Variants in SLC39A10 observed in about 807,000 individuals in gnomAD.
SLC39A10 encodes the protein zinc transporter ZIP10.
A neutral mutation model predicts 65.1 loss-of-function variants in SLC39A10; 13 were observed. That is an observed-to-expected ratio of 0.20 (90% CI 0.13 to 0.32). The LOEUF is 0.32. Among genes scored for constraint, SLC39A10 ranks in the 10% least tolerant of loss-of-function variants. SLC39A10 has a pLI of 1.00. For missense variants in SLC39A10, 831 were observed against 1,018.4 expected (o/e 0.82, Z 2.50); for synonymous variants, 321 against 342.2 (o/e 0.94, Z 0.68).
intron 3 of SLC39A10, 50 bp downstream of exon 3, chr2:195,683,956 T>G: frequency 1.1e-5 from 14 of 1,224,190 alleles, no homozygotes; most frequent in Non-Finnish European, 1.6e-5. Flanking sequence ...CTGTACTTAC[T>G]TTTTAAACTA....
chr2:195,657,403 G>A (rs1689188578), intron 1 of SLC39A10, 122 bp downstream of exon 1: 4 of 985,710 alleles, frequency 4.1e-6, no homozygotes, highest in African/African-American at 3.5e-5. Context: ...GGGGAGTCGG[G>A]GCTGGTTCCC....
intron 7 of SLC39A10, 97 bp from the exon 8 acceptor site, chr2:195,718,155 A>T: frequency 1.1e-6 from 1 of 944,374 alleles, no homozygotes; most frequent in Non-Finnish European, 1.6e-6. Context: ...TTAAGAAATT[A>T]ATTTAGATAG....
intron 3 of SLC39A10, among the ~76,000 whole-genome samples, chr2:195,690,740 A>C (rs1045580275): frequency 5.9e-5 from 9 of 152,128 alleles, no homozygotes; most frequent in African/African-American, 2.2e-4. Flanking sequence ...GTTGAATTTT[A>C]GGAGTTCTCT....
intron 9 of SLC39A10, among the ~76,000 whole-genome samples, chr2:195,734,003 A>G (rs1692506918): frequency 6.6e-6 from 1 of 152,098 alleles, no homozygotes; most frequent in Non-Finnish European, 1.5e-5. Flanking sequence ...GAATGAAAGC[A>G]ATGGCATAAG....
intron 2 of SLC39A10, 148 bp downstream of exon 2, chr2:195,681,198 G>C (rs1429342258): frequency 8.0e-6 from 7 of 874,546 alleles, no homozygotes; most frequent in Non-Finnish European, 1.2e-5. Flanking sequence ...TAATGTTCAT[G>C]AACAGAATAC....
intron 8 of SLC39A10, among the ~76,000 whole-genome samples, chr2:195,724,848 G>A (rs1000437953): frequency 4.6e-5 from 7 of 152,080 alleles, no homozygotes; most frequent in Admixed American, 6.6e-5. Context: ...ATAGCCAGTA[G>A]AATTTTGCAA....
chr2:195,678,274 C>T (rs557496879), intron 1 of SLC39A10, among the ~76,000 whole-genome samples: 1 of 152,232 alleles, frequency 6.6e-6, no homozygotes, highest in African/African-American at 2.4e-5. Context: ...TTCTTGCCTA[C>T]TTTTGATATT....
intron 8 of SLC39A10, among the ~76,000 whole-genome samples, chr2:195,726,036 C>A (rs1301909690): frequency 6.6e-6 from 1 of 152,154 alleles, no homozygotes; most frequent in Non-Finnish European, 1.5e-5. Context: ...TGTCCAAATT[C>A]ATAGAAGTCT....
chr2:195,657,592 C>T (rs1007445476), intron 1 of SLC39A10: 2 of 982,386 alleles, frequency 2.0e-6, no homozygotes, highest in East Asian at 1.1e-4. Flanking sequence ...CTCGCGCCCC[C>T]CTCACCTTCC....
chr2:195,682,839 A>G (rs1385681468), intron 2 of SLC39A10, among the ~76,000 whole-genome samples: 1 of 150,676 alleles, frequency 6.6e-6, no homozygotes, highest in Non-Finnish European at 1.5e-5. Context: ...GTGGTGCTAA[A>G]TAGAAAAAAA....
At chr2:195,643,942 A>C (rs574791180) in intron 2 of SLC39A10, among the ~76,000 whole-genome samples, 1 of 152,356 alleles carries the variant, frequency 6.6e-6, no homozygotes, top group East Asian at 1.9e-4. Flanking sequence ...CTTGTTAGTT[A>C]ACATTGTTAA....
chr2:195,709,378 C>T (rs1021042664), intron 5 of SLC39A10, among the ~76,000 whole-genome samples: 4 of 152,126 alleles, frequency 2.6e-5, no homozygotes, highest in Non-Finnish European at 5.9e-5. Context: ...ACCATAGCTG[C>T]GCACCACCAT....
intron 3 of SLC39A10, among the ~76,000 whole-genome samples, chr2:195,691,506 AC>A (rs1350219794): frequency 7.2e-5 from 11 of 152,202 alleles, no homozygotes; most frequent in African/African-American, 2.4e-4. Context: ...TTCCCTTTTC[AC>A]CACATCTATG....
intron 9 of SLC39A10, among the ~76,000 whole-genome samples, chr2:195,731,304 GT>G (rs1295253225): frequency 6.6e-6 from 1 of 152,150 alleles, no homozygotes; most frequent in East Asian, 1.9e-4. Flanking sequence ...CTCCGGAATA[GT>G]TTTCCTGCAG....
intron 2 of SLC39A10, among the ~76,000 whole-genome samples, chr2:195,640,749 A>G (rs1041875484): frequency 2.6e-5 from 4 of 152,238 alleles, no homozygotes; most frequent in Admixed American, 1.3e-4. Context: ...TATTTAGAAC[A>G]CAAAAGTTGT....
chr2:195,650,749 C>T (rs1052473009), intron 2 of SLC39A10, among the ~76,000 whole-genome samples: 1 of 152,078 alleles, frequency 6.6e-6, no homozygotes, highest in Non-Finnish European at 1.5e-5. Flanking sequence ...TTTTATTGCA[C>T]AAGCCTACCA....
At chr2:195,709,059 C>T (rs1691509074) in intron 5 of SLC39A10, among the ~76,000 whole-genome samples, 1 of 152,132 alleles carries the variant, frequency 6.6e-6, no homozygotes, top group African/African-American at 2.4e-5. Flanking sequence ...GGGTCTCCCT[C>T]TGTCACCTAG....
chr2:195,648,822 C>T (rs1360825579), intron 2 of SLC39A10, among the ~76,000 whole-genome samples: 1 of 152,108 alleles, frequency 6.6e-6, no homozygotes, highest in Non-Finnish European at 1.5e-5. Flanking sequence ...CAGTAATATC[C>T]ACCTCAGAGG....
chr2:195,702,525 A>G (rs1691231920), intron 3 of SLC39A10, among the ~76,000 whole-genome samples: 1 of 152,198 alleles, frequency 6.6e-6, no homozygotes. Flanking sequence ...TTGTCAGTTC[A>G]TTTACAGTTT....
Sources: allele counts gnomAD v4.1 joint callset (sites outside exome capture counted in the v4.1 genomes callset), GRCh38; gene constraint gnomAD v4.1.1; transcripts MANE v1.5; gene names NCBI Gene and HGNC (gene_info 2026-07-23, HGNC 2026-07-21).